Variants in HIPK2 observed in about 807,000 individuals in gnomAD.
The protein encoded by HIPK2 is homeodomain-interacting protein kinase 2.
Under a neutral mutation model 113.7 loss-of-function variants are expected in HIPK2, and 27 were observed. That is an observed-to-expected ratio of 0.24 (90% confidence interval 0.17 to 0.33). The LOEUF is 0.33. Among genes scored for constraint, HIPK2 ranks in the 10% least tolerant of loss-of-function variants. HIPK2 has a pLI of 1.00. For synonymous variants in HIPK2, 631 were observed against 642.2 expected, an observed-to-expected ratio of 0.98 and a Z score of 0.26; for missense variants, 1,257 against 1,588.0, an observed-to-expected ratio of 0.79 and a Z score of 3.54.
intron 2 of HIPK2, among the ~76,000 whole-genome samples, chr7:139,708,453 T>C (rs1263587236): frequency 3.3e-5 from 5 of 152,122 alleles, no homozygotes; most frequent in Non-Finnish European, 7.4e-5. Flanking sequence ...GGCCTGCTCA[T>C]TAGGTTTGTT....
At chr7:139,678,139 G>C (rs1022860175) in intron 2 of HIPK2, among the ~76,000 whole-genome samples, 1 of 152,190 alleles carries the variant, frequency 6.6e-6, no homozygotes, top group East Asian at 1.9e-4. Flanking sequence ...CAGATGGATA[G>C]ATTGCAAAAT....
chr7:139,626,167 A>G (rs1444621532), intron 6 of HIPK2, among the ~76,000 whole-genome samples: 1 of 148,880 alleles, frequency 6.7e-6, no homozygotes, highest in Non-Finnish European at 1.5e-5. Flanking sequence ...CAATGGCGCG[A>G]TCTCGGCTCA....
chr7:139,563,692 T>A lies in HIPK2; in HGVS notation c.*9235A>T, dbSNP rs1010732938. On this transcript the variant is annotated 3_prime_UTR_variant, in exon 15 of 15. Transcript: ENST00000406875. ...GGGAGTATGATTAGGAGGGGTGAGA[T>A]GAAAACTATTTTACAGTAACATTTC... 2.5e-6 allele frequency: 1 copy of A among 397,106 alleles called. No individual in the cohort carries two copies. Among genetic ancestry groups the A allele is most frequent in the Non-Finnish European group, 4.4e-6 (1 of 225,748 alleles). 24.6% of individuals were successfully genotyped at this position (397,106 alleles called of 1,614,324 possible). A position where few individuals can be genotyped will look rare whatever the true frequency, so the allele number is the denominator to read the frequency against.
chr7:139,777,327 C>T (rs1202123593), intron 1 of HIPK2: 2 of 158,566 alleles, frequency 1.3e-5, no homozygotes, highest in Non-Finnish European at 2.8e-5. Flanking sequence ...GTCCGCCTTC[C>T]CCGGCGTCCC....
intron 2 of HIPK2, among the ~76,000 whole-genome samples, chr7:139,675,479 C>T (rs1343342353): frequency 1.3e-5 from 2 of 152,166 alleles, no homozygotes; most frequent in Non-Finnish European, 2.9e-5. Flanking sequence ...CAGTGACTCT[C>T]ATCTTATTTC....
chr7:139,749,752 G>A (rs1448589829), intron 1 of HIPK2, among the ~76,000 whole-genome samples: 1 of 152,180 alleles, frequency 6.6e-6, no homozygotes, highest in Non-Finnish European at 1.5e-5. Context: ...GTGAAATAGT[G>A]GCAGGCTCTA....
intron 2 of HIPK2, among the ~76,000 whole-genome samples, chr7:139,649,660 G>A (rs1801385693): frequency 6.6e-6 from 1 of 152,110 alleles, no homozygotes; most frequent in Admixed American, 6.5e-5. Context: ...CTCCCTGTCT[G>A]TGCCTCTGAT....
chr7:139,623,472 C>T (rs1030634449), intron 6 of HIPK2, among the ~76,000 whole-genome samples: 2 of 142,564 alleles, frequency 1.4e-5, no homozygotes, highest in African/African-American at 5.3e-5. Flanking sequence ...GAGCAAAGAT[C>T]GTACTGCTGC....
At chr7:139,752,793 C>T (rs1450692760) in intron 1 of HIPK2, among the ~76,000 whole-genome samples, 1 of 152,048 alleles carries the variant, frequency 6.6e-6, no homozygotes, top group Non-Finnish European at 1.5e-5. Context: ...GCCACACAGC[C>T]CTGCTGAAGC....
intron 2 of HIPK2, among the ~76,000 whole-genome samples, chr7:139,664,074 G>A (rs1191572242): frequency 1.3e-5 from 2 of 152,282 alleles, no homozygotes; most frequent in Non-Finnish European, 2.9e-5. Context: ...TGGTCATCTC[G>A]CTTCAGCGTC....
intron 2 of HIPK2, among the ~76,000 whole-genome samples, chr7:139,692,670 T>A (rs1340828225): frequency 6.6e-6 from 1 of 152,166 alleles, no homozygotes; most frequent in Non-Finnish European, 1.5e-5. Flanking sequence ...AGTAGGCAAG[T>A]CACATTTTCC....
intron 2 of HIPK2, among the ~76,000 whole-genome samples, chr7:139,669,638 G>GT (rs1802190418): frequency 8.0e-6 from 1 of 125,722 alleles, no homozygotes; most frequent in Admixed American, 9.7e-5. Flanking sequence ...CAAAAACACT[G>GT]TCACAGCCAG....
chr7:139,596,816 T>C lies in HIPK2; in HGVS notation c.2618A>G (p.Gln873Arg), dbSNP rs776908150. ...GGGAGTGTCGGGAATGACAATTGTCTGCCGCTGCCGTTCCCGGGTGGTGCT... is the reference window on the plus strand; with the variant it reads ...GGGAGTGTCGGGAATGACAATTGTCCGCCGCTGCCGTTCCCGGGTGGTGCT... The part of the protein sequence containing the change: ...ASSTTRERQR[Q>R]TIVIPDTPSP... Residue 873 changes from glutamine (Q) to arginine (R), a missense_variant, in exon 12 of 15, where the codon CAG (glutamine) becomes CGG (arginine). Coordinates refer to ENST00000406875, the MANE Select transcript of HIPK2 (RefSeq NM_022740.5). The C allele has an allele frequency of 1.9e-6, 3 of 1,613,962 alleles. No homozygotes were observed. Among genetic ancestry groups the C allele is most frequent in the Admixed American group, 3.3e-5 (2 of 60,026 alleles).
Position 139,573,340 on chromosome 7 carries a change from T to C in HIPK2, c.3184A>G (p.Ile1062Val). The change falls in exon 15 of 15, where the codon ATC (isoleucine) becomes GTC (valine). Residue 1062 changes from isoleucine to valine, a missense_variant. By Grantham distance (29) the Ile-to-Val change is conservative (BLOSUM62 3). Coordinates refer to ENST00000406875, the MANE Select transcript of HIPK2 (RefSeq NM_022740.5). ...TGSHRRQQAYITPTMAQAPYS... is the reference protein window; with the variant it reads ...TGSHRRQQAYVTPTMAQAPYS... ...GGAGCCTGGGCCATGGTGGGAGTGA[T>C]GTAGGCCTGCTGCCTTCGGTGGCTC... 6.2e-7 allele frequency: 1 copy of C among 1,605,628 alleles called. No individual in the cohort carries two copies. The highest frequency in any genetic ancestry group is 1.7e-5 in the Admixed American group (1 of 60,006).
At chr7:139,574,849 A>G (rs1358090989) in intron 14 of HIPK2, among the ~76,000 whole-genome samples, 1 of 152,174 alleles carries the variant, frequency 6.6e-6, no homozygotes, top group Admixed American at 6.5e-5. Flanking sequence ...GGGCCATCCT[A>G]TTTTTAAGCT....
At chr7:139,612,415 G>A (rs1391496230) in intron 9 of HIPK2, among the ~76,000 whole-genome samples, 2 of 152,202 alleles carry the variant, frequency 1.3e-5, no homozygotes, top group Non-Finnish European at 1.5e-5. Context: ...TACAGATGCT[G>A]GCATCAGACT....
In HIPK2 at chr7:139,718,129, T is replaced by A. The variant is rs576916478; in HGVS notation, c.20-1114A>T. On this transcript the variant is annotated intron_variant, in intron 1 of 14. Coordinates refer to ENST00000406875, the MANE Select transcript of HIPK2 (RefSeq NM_022740.5). ...TGAGACCGTTATTCTGGAACACTTG[T>A]ACAAATTACGGTGATACTGAAACAA... Among the ~76,000 whole-genome samples the A allele has an allele frequency of 3.3e-5, 5 of 152,334 alleles. No homozygotes were observed. In the East Asian group the frequency reaches 9.6e-4, roughly 29 times the overall value.
At chr7:139,705,603 T>TC (rs1318121808) in intron 2 of HIPK2, among the ~76,000 whole-genome samples, 3 of 152,120 alleles carry the variant, frequency 2.0e-5, no homozygotes, top group Admixed American at 6.5e-5. Flanking sequence ...GGTCTGGATC[T>TC]CCTGACCTCG....
In HIPK2 at chr7:139,763,472, G is replaced by GCCCCCC. The variant is rs547691856; in HGVS notation, c.19+14127_19+14132dup. Among the ~76,000 whole-genome samples, 39 of 100,796 alleles carry GCCCCCC rather than the reference G, an allele frequency of 3.9e-4. 1 individual carries two copies. Among genetic ancestry groups the GCCCCCC allele is most frequent in the African/African-American group, 1.4e-3 (27 of 19,542 alleles). 66.1% of individuals were successfully genotyped at this position (100,796 alleles called of 152,430 possible). On this transcript the variant is annotated intron_variant, in intron 1 of 14. Transcript: ENST00000406875. ...TAGGAGTAAGATTTTGCCGGAACAC[G>GCCCCCC]CCCCCCCCCCCACACGCCCCTCCCA...
Sources: gnomAD v4.1 joint callset for allele counts (sites outside exome capture counted in the v4.1 genomes callset) on GRCh38, gnomAD v4.1.1 for gene constraint, MANE v1.5 for transcripts, NCBI Gene and HGNC (gene_info 2026-07-23, HGNC 2026-07-21) for gene names.